The following C19orf53 variants were observed in gnomAD, a reference collection of about 807,000 sequenced individuals.
C19orf53 encodes the protein leydig cell tumor 10 kDa protein homolog.
A neutral mutation model predicts 6.5 loss-of-function variants in C19orf53; 9 were observed. That is an observed-to-expected ratio of 1.38 (90% CI 0.83 to 2.40). The LOEUF (loss-of-function observed/expected upper bound fraction) is 2.40, where lower values mean the gene tolerates loss of function less well. Among genes scored for constraint, C19orf53 ranks in the 30% most tolerant of loss-of-function variants. The pLI is 0.00. For synonymous variants in C19orf53, 68 were observed against 52.5 expected, an observed-to-expected ratio of 1.29 and a Z score of -1.27; for missense variants, 166 against 129.7, an observed-to-expected ratio of 1.28 and a Z score of -1.36.
intron 2 of C19orf53, among the ~76,000 whole-genome samples, chr19:13,776,457 C>T (rs986311949): frequency 6.6e-6 from 1 of 151,998 alleles, no homozygotes; most frequent in African/African-American, 2.4e-5. Context: ...TGAGTCGGTT[C>T]CCTCCCTCCT....
Position 13,774,693 on chromosome 19 carries a change from C to G in C19orf53, c.139C>G (p.Gln47Glu), listed in dbSNP as rs753604946. The change falls in exon 2 of 3, where the codon CAA (glutamine) becomes GAA (glutamate). Residue 47 changes from glutamine to glutamate, a missense_variant. Gln to Glu is a conservative substitution (Grantham distance 29). Coordinates refer to ENST00000588234, the MANE Select transcript of C19orf53 (RefSeq NM_014047.3). ...APKKARVVQQQKLKKNLEVGI... is the reference protein window; with the variant it reads ...APKKARVVQQEKLKKNLEVGI... ...CAAGAAGGCGCGCGTCGTGCAGCAG[C>G]AAAAGCTCAAGAAGGTGTGCGGGGG... 1.9e-6 allele frequency: 3 copies of G among 1,608,268 alleles called. No homozygotes were observed. The South Asian group carries it at 3.3e-5, about 18-fold the overall frequency.
intron 2 of C19orf53, among the ~76,000 whole-genome samples, chr19:13,776,609 C>G (rs928420584): frequency 6.6e-6 from 1 of 152,192 alleles, no homozygotes; most frequent in Non-Finnish European, 1.5e-5. Context: ...GGCCCCTGAC[C>G]CCTCCTTCCC....
intron 2 of C19orf53, among the ~76,000 whole-genome samples, chr19:13,777,365 C>T (rs1041380106): frequency 3.3e-5 from 5 of 152,152 alleles, no homozygotes; most frequent in South Asian, 2.1e-4. Flanking sequence ...ACAGCTGAGA[C>T]GAGAGGCACG....
intron 2 of C19orf53, 32 bp downstream of exon 2, chr19:13,774,739 G>T (rs1568314941): frequency 6.4e-7 from 1 of 1,574,114 alleles, no homozygotes; most frequent in African/African-American, 1.4e-5. Flanking sequence ...AGCCCGGAGG[G>T]CGGCGAGTAG....
At chr19:13,774,789 G>A in intron 2 of C19orf53, 82 bp downstream of exon 2, 1 of 1,508,168 alleles carries the variant, frequency 6.6e-7, no homozygotes, top group East Asian at 2.3e-5. Flanking sequence ...GGGGATGGGT[G>A]GAGCCCGGGG....
Position 13,778,296 on chromosome 19 carries a change from G to A in C19orf53, c.*98G>A. ...GCTGCACTGTCAGGAAGAGGACCCT[G>A]TCCCCCAGCACTGGGCTTCACCTAG... is the stretch of plus-strand genomic sequence containing the variant. On this transcript the variant is annotated 3_prime_UTR_variant, in exon 3 of 3. Transcript: ENST00000588234. 7.2e-7 allele frequency: 1 copy of A among 1,394,680 alleles called. No individual in the cohort carries two copies. The highest frequency in any genetic ancestry group is 1.5e-5 in the African/African-American group (1 of 68,542). 86.4% of individuals were successfully genotyped at this position (1,394,680 alleles called of 1,614,324 possible). A position where few individuals can be genotyped will look rare whatever the true frequency, so the allele number is the denominator to read the frequency against.
chr19:13,774,824 C>T lies in C19orf53; in HGVS notation c.153+117C>T, dbSNP rs935614335. 6.9e-5 allele frequency: 94 copies of T among 1,359,730 alleles called. 3 individuals carry two copies. In the Middle Eastern group the frequency reaches 2.3e-3, roughly 33 times the overall value. The allele number at this position is 1,359,730 out of a possible 1,614,324, so 84.2% of individuals were successfully genotyped here. On this transcript the variant is annotated intron_variant, in intron 2 of 2. Coordinates refer to ENST00000588234, the MANE Select transcript of C19orf53 (RefSeq NM_014047.3). ...GATCAGTGAGGGGAGAGGGTGGATC[C>T]TGGGGACGAGCTAGGAGCGAGGGGA...
In C19orf53 at chr19:13,774,688, A is replaced by C. The variant is rs766979305; in HGVS notation, c.134A>C (p.Gln45Pro). The change falls in exon 2 of 3, where the codon CAG becomes CCG. Residue 45 changes from glutamine to proline, a missense_variant. Physicochemically the swap from Gln to Pro is moderately conservative, Grantham distance 76. Transcript: ENST00000588234. ...GCTCCCAAGAAGGCGCGCGTCGTGC[A>C]GCAGCAAAAGCTCAAGAAGGTGTGC... ...VIAPKKARVV[Q>P]QQKLKKNLEV... is the part of the protein sequence containing the mutation. 13 of 1,608,798 alleles carry C rather than the reference A, an allele frequency of 8.1e-6. No individual in the cohort carries two copies. The South Asian group carries it at 1.3e-4, about 16-fold the overall frequency.
Position 13,774,673 on chromosome 19 carries a change from A to G in C19orf53, c.119A>G (p.Lys40Arg). ...CCAGGTCGTGTTATCGCTCCCAAGA[A>G]GGCGCGCGTCGTGCAGCAGCAAAAG... ...RKGGRVIAPK[K>R]ARVVQQQKLK... Residue 40 changes from lysine (K) to arginine (R), a missense_variant, in exon 2 of 3, where the codon AAG becomes AGG. By Grantham distance (26) the Lys-to-Arg change is conservative. Coordinates refer to ENST00000588234, the MANE Select transcript of C19orf53 (RefSeq NM_014047.3). 1 of 1,608,882 alleles carries G rather than the reference A, an allele frequency of 6.2e-7. No individual in the cohort carries two copies. The highest frequency in any genetic ancestry group is 8.5e-7 in the Non-Finnish European group (1 of 1,175,618).
At chr19:13,774,837 A>G (rs1974349991) in intron 2 of C19orf53, 130 bp downstream of exon 2, 3 of 1,267,692 alleles carry the variant, frequency 2.4e-6, no homozygotes, top group East Asian at 2.4e-5. Context: ...GGGACGAGCT[A>G]GGAGCGAGGG....
Position 13,774,591 on chromosome 19 carries a change from G to T in C19orf53, c.97+17G>T. The stretch of plus-strand genomic sequence containing the variant: ...GAAAAGGCGGTAAGGAGCGGCCCGG[G>T]GACTTGGGGGCGAGGTGGACCCCCG... On this transcript the variant is annotated intron_variant, in intron 1 of 2. Coordinates refer to ENST00000588234, the MANE Select transcript of C19orf53 (RefSeq NM_014047.3). 1 of 1,613,930 alleles carries T rather than the reference G, an allele frequency of 6.2e-7. No individual in the cohort carries two copies.
Position 13,778,408 on chromosome 19 carries a change from C to G in C19orf53, c.*210C>G. The G allele has an allele frequency of 8.0e-6, 4 of 498,776 alleles. No individual in the cohort carries two copies. Among genetic ancestry groups the G allele is most frequent in the Non-Finnish European group, 1.4e-5 (4 of 295,026 alleles). 30.9% of individuals were successfully genotyped at this position (498,776 alleles called of 1,614,324 possible). On this transcript the variant is annotated 3_prime_UTR_variant, in exon 3 of 3. Coordinates refer to ENST00000588234, the MANE Select transcript of C19orf53 (RefSeq NM_014047.3). ...ACTTCATCTGTCCCCGTGCCCCTTCCCAGGTCCTGCCTCCACAGGTTTAAC... is the reference window on the plus strand; with the variant it reads ...ACTTCATCTGTCCCCGTGCCCCTTCGCAGGTCCTGCCTCCACAGGTTTAAC...
In C19orf53 at chr19:13,778,261, C is replaced by T. The variant is rs915877297; in HGVS notation, c.*63C>T. 6.7e-7 allele frequency: 1 copy of T among 1,487,920 alleles called. No homozygotes were observed. The highest frequency in any genetic ancestry group is 1.8e-4 in the Middle Eastern group (1 of 5,546). The allele number at this position is 1,487,920 out of a possible 1,614,324, so 92.2% of individuals were successfully genotyped here. On this transcript the variant is annotated 3_prime_UTR_variant, in exon 3 of 3. Coordinates refer to ENST00000588234, the MANE Select transcript of C19orf53 (RefSeq NM_014047.3). ...TACCTCCATATGGGACCTTGCAAGTCATCCCACAGGCTGCACTGTCAGGAA... is the reference window on the plus strand; with the variant it reads ...TACCTCCATATGGGACCTTGCAAGTTATCCCACAGGCTGCACTGTCAGGAA...
Position 13,774,530 on chromosome 19 carries a change from C to A in C19orf53, c.53C>A (p.Thr18Lys), listed in dbSNP as rs764161179. 3.7e-6 allele frequency: 6 copies of A among 1,613,496 alleles called. No homozygotes were observed. The Admixed American group carries it at 1.0e-4, about 27-fold the overall frequency. The part of the protein sequence containing the change: ...FQAHKPAKSK[T>K]AAAASEKNRG... ...GCGCACAAACCCGCAAAGAGTAAGACGGCAGCGGCAGCCTCTGAAAAGAAT... is the reference window on the plus strand; with the variant it reads ...GCGCACAAACCCGCAAAGAGTAAGAAGGCAGCGGCAGCCTCTGAAAAGAAT... Residue 18 changes from threonine to lysine, a missense_variant, in exon 1 of 3, where the codon ACG becomes AAG. By Grantham distance (78) the Thr-to-Lys change is moderately conservative (BLOSUM62 -1). Coordinates refer to ENST00000588234, the MANE Select transcript of C19orf53 (RefSeq NM_014047.3).
rs956477709 is a variant in C19orf53, at chr19:13,774,594, C to T, written c.97+20C>T. The T allele has an allele frequency of 1.2e-6, 2 of 1,613,772 alleles. No homozygotes were observed. The highest frequency in any genetic ancestry group is 8.5e-7 in the Non-Finnish European group (1 of 1,179,644). Reference sequence around the variant, plus strand: ...AAGGCGGTAAGGAGCGGCCCGGGGACTTGGGGGCGAGGTGGACCCCCGGCT... The same window carrying T: ...AAGGCGGTAAGGAGCGGCCCGGGGATTTGGGGGCGAGGTGGACCCCCGGCT... On this transcript the variant is annotated intron_variant, in intron 1 of 2. Coordinates refer to ENST00000588234, the MANE Select transcript of C19orf53 (RefSeq NM_014047.3).
At chr19:13,775,532 G>T (rs573849882) in intron 2 of C19orf53, 1 of 152,222 alleles carries the variant, frequency 6.6e-6, no homozygotes, top group Non-Finnish European at 1.5e-5. Flanking sequence ...GCATCCTCCC[G>T]CCTCTGCCTC....
Position 13,777,514 on chromosome 19 carries a change from C to T in C19orf53, c.154-538C>T, listed in dbSNP as rs115441676. Among the ~76,000 whole-genome samples, 540 of 152,328 alleles carry T rather than the reference C, an allele frequency of 3.5e-3. 3 individuals carry two copies. The highest frequency in any genetic ancestry group is 0.012 in the African/African-American group (511 of 41,574). On this transcript the variant is annotated intron_variant, in intron 2 of 2. Coordinates refer to ENST00000588234, the MANE Select transcript of C19orf53 (RefSeq NM_014047.3). ...GTGCTGGGATCACAGGCTTGAGCCA[C>T]CACACCCAGTCCGTCGGAACTCAGA...
intron 2 of C19orf53, chr19:13,775,529 C>T (rs920498102): frequency 6.6e-6 from 1 of 152,236 alleles, no homozygotes; most frequent in East Asian, 1.9e-4. Flanking sequence ...AAGGCATCCT[C>T]CCGCCTCTGC....
Position 13,778,276 on chromosome 19 carries a change from A to G in C19orf53, c.*78A>G. 1 of 1,458,442 alleles carries G rather than the reference A, an allele frequency of 6.9e-7. No homozygotes were observed. The highest frequency in any genetic ancestry group is 2.5e-5 in the East Asian group (1 of 40,376). 90.3% of individuals were successfully genotyped at this position (1,458,442 alleles called of 1,614,324 possible). ...CCTTGCAAGTCATCCCACAGGCTGC[A>G]CTGTCAGGAAGAGGACCCTGTCCCC... On this transcript the variant is annotated 3_prime_UTR_variant, in exon 3 of 3. Coordinates refer to ENST00000588234, the MANE Select transcript of C19orf53 (RefSeq NM_014047.3).
Sources: allele counts gnomAD v4.1 joint callset (sites outside exome capture counted in the v4.1 genomes callset), GRCh38; gene constraint gnomAD v4.1.1; transcripts MANE v1.5; gene names NCBI Gene and HGNC (gene_info 2026-07-23, HGNC 2026-07-21).